Variants in ACTR3C observed in about 807,000 individuals in gnomAD.
The protein encoded by ACTR3C is actin related protein 3C.
Under a neutral mutation model 26.3 loss-of-function variants are expected in ACTR3C, and 18 were observed. The ratio of observed to expected loss-of-function variants is 0.68; its 90% confidence interval spans 0.47 to 1.01. The LOEUF is 1.01. Ranked by LOEUF, ACTR3C falls within the 50% of genes least tolerant of loss-of-function variation. The pLI, the probability that ACTR3C is intolerant of heterozygous loss-of-function variation, is 0.00. For synonymous variants in ACTR3C, 55 were observed against 94.5 expected (o/e 0.58, Z 2.42); for missense variants, 184 against 250.7 (o/e 0.73, Z 1.80).
chr7:150,038,098 G>A, the ACTR3C span, among the ~76,000 whole-genome samples: 783 of 141,072 alleles, frequency 5.6e-3, 87 homozygotes, highest in African/African-American at 0.02. Flanking sequence ...CCCCCCCTGT[G>A]ATGGGAGTCC....
chr7:150,198,499 C>G, the ACTR3C span, among the ~76,000 whole-genome samples: 1 of 144,072 alleles, frequency 6.9e-6, no homozygotes, highest in Non-Finnish European at 1.5e-5. Flanking sequence ...CCCCGCCGCC[C>G]CATCTGGGAT....
At chr7:150,170,390 G>C in the ACTR3C span, among the ~76,000 whole-genome samples, 1 of 150,152 alleles carries the variant, frequency 6.7e-6, no homozygotes, top group African/African-American at 2.5e-5. Flanking sequence ...TCCACACTCA[G>C]GTTGAGGAAA....
chr7:150,024,437 A>C, the ACTR3C span, among the ~76,000 whole-genome samples: 140,230 of 147,740 alleles, frequency 0.95, 66,809 homozygotes, highest in East Asian at 1. Context: ...ACAACCATAC[A>C]CGTGGGAAGA....
chr7:150,147,579 T>C, the ACTR3C span, among the ~76,000 whole-genome samples: 1 of 151,752 alleles, frequency 6.6e-6, no homozygotes, highest in South Asian at 2.1e-4. Context: ...TAATTAATCA[T>C]TCATTAATTA....
chr7:149,999,200 G>A, the ACTR3C span, among the ~76,000 whole-genome samples: 3 of 150,854 alleles, frequency 2.0e-5, no homozygotes, highest in African/African-American at 7.3e-5. Context: ...TTACATAAGT[G>A]TCTAATTTCA....
chr7:150,229,630 G>A, the ACTR3C span, among the ~76,000 whole-genome samples: 14 of 150,986 alleles, frequency 9.3e-5, no homozygotes, highest in East Asian at 1.2e-3. Context: ...GACTACAGGC[G>A]TGCACCACGA....
At chr7:149,936,826 T>C in the ACTR3C span, among the ~76,000 whole-genome samples, 1 of 152,036 alleles carries the variant, frequency 6.6e-6, no homozygotes, top group African/African-American at 2.4e-5. Context: ...TCTTGCTCTG[T>C]TGGCCAGGCT....
chr7:150,316,284 T>C (rs1236250381), intron 1 of ACTR3C, among the ~76,000 whole-genome samples: 1 of 152,234 alleles, frequency 6.6e-6, no homozygotes, highest in Non-Finnish European at 1.5e-5. Context: ...ATTGGGCCTG[T>C]TTAAACTTTT....
the ACTR3C span, among the ~76,000 whole-genome samples, chr7:149,897,839 C>G: frequency 7.7e-4 from 117 of 152,150 alleles, no homozygotes; most frequent in African/African-American, 2.8e-3. Context: ...GATCATGCCA[C>G]TGCACTCCAG....
chr7:150,323,336 C>T (rs1186256501), intron 1 of ACTR3C, 133 bp downstream of exon 1: 1 of 274,166 alleles, frequency 3.6e-6, no homozygotes, highest in South Asian at 2.8e-5. Flanking sequence ...TTTGGCCAGG[C>T]CCCCTGGGCG....
At chr7:150,135,036 C>G in the ACTR3C span, among the ~76,000 whole-genome samples, 8,213 of 152,212 alleles carry the variant, frequency 0.054, 269 homozygotes, top group Middle Eastern at 0.13. Context: ...CCTCGTGATC[C>G]GCCTGTCTCG....
chr7:150,113,992 C>T, the ACTR3C span, among the ~76,000 whole-genome samples: 64 of 152,306 alleles, frequency 4.2e-4, no homozygotes, highest in African/African-American at 1.2e-3. Flanking sequence ...AAGACATCAA[C>T]ATTTCTTGCT....
chr7:150,306,360 G>T (rs1466882252), intron 1 of ACTR3C, among the ~76,000 whole-genome samples: 1 of 152,036 alleles, frequency 6.6e-6, no homozygotes, highest in Non-Finnish European at 1.5e-5. Flanking sequence ...TCCTGGCGCG[G>T]GAAGCTGAAG....
the ACTR3C span, among the ~76,000 whole-genome samples, chr7:149,904,423 G>A: frequency 2.0e-5 from 3 of 151,154 alleles, no homozygotes; most frequent in Admixed American, 6.6e-5. Flanking sequence ...CCAACTACTC[G>A]GGAGGCTGAG....
the ACTR3C span, among the ~76,000 whole-genome samples, chr7:150,048,529 C>T: frequency 2.0e-5 from 3 of 152,152 alleles, no homozygotes; most frequent in Non-Finnish European, 2.9e-5. Context: ...GCGGCCCCGC[C>T]GAAGGTAGTG....
chr7:150,163,966 C>T, the ACTR3C span, among the ~76,000 whole-genome samples: 146 of 151,560 alleles, frequency 9.6e-4, no homozygotes, highest in African/African-American at 3.4e-3. Context: ...ATCCTGTATC[C>T]CACTCAGGTT....
chr7:149,998,504 T>C, the ACTR3C span, among the ~76,000 whole-genome samples: 3 of 148,996 alleles, frequency 2.0e-5, 1 homozygote, highest in South Asian at 2.2e-4. Context: ...CTTACAATCA[T>C]GGCAGAAGGG....
the ACTR3C span, chr7:150,003,026 G>A: frequency 2.0e-5 from 3 of 152,306 alleles, no homozygotes; most frequent in Admixed American, 2.0e-4. Context: ...CCTGCCTCAC[G>A]CCTGCATTTA....
At chr7:150,028,339 A>T in the ACTR3C span, among the ~76,000 whole-genome samples, 2 of 152,280 alleles carry the variant, frequency 1.3e-5, no homozygotes, top group Admixed American at 1.3e-4. Context: ...TCTGTCTCAT[A>T]AAAGAGGTGT....
Sources: allele counts gnomAD v4.1 joint callset (sites outside exome capture counted in the v4.1 genomes callset), GRCh38; gene constraint gnomAD v4.1.1; transcripts MANE v1.5; gene names NCBI Gene and HGNC (gene_info 2026-07-23, HGNC 2026-07-21).